NMNAT2: variants seen among roughly 807,000 people sequenced by gnomAD.
NMNAT2 encodes nicotinamide nucleotide adenylyltransferase 2, also known as nicotinamide/nicotinic acid mononucleotide adenylyltransferase 2.
In NMNAT2, 11 loss-of-function variants were observed where a neutral mutation model predicts 41.6. That is an observed-to-expected ratio of 0.26 (90% confidence interval 0.17 to 0.44). NMNAT2 has a LOEUF of 0.44. Among genes scored for constraint, NMNAT2 ranks in the 20% least tolerant of loss-of-function variants. The pLI, the probability that NMNAT2 is intolerant of heterozygous loss-of-function variation, is 1.00. For synonymous variants in NMNAT2, 148 were observed against 151.2 expected, an observed-to-expected ratio of 0.98 and a Z score of 0.16; for missense variants, 288 against 407.7, an observed-to-expected ratio of 0.71 and a Z score of 2.53.
At position 183,261,212 on chromosome 1, in the gene NMNAT2, C is replaced by G; in HGVS notation, c.743G>C (p.Arg248Pro). 1 of 1,613,982 alleles carries G rather than the reference C, an allele frequency of 6.2e-7. No homozygotes were observed. Among genetic ancestry groups the G allele is most frequent in the Non-Finnish European group, 8.5e-7 (1 of 1,179,870 alleles). ...DRIMNHSSIL[R>P]KYKNNIMVVK... Reference sequence around the variant, plus strand: ...GGATGGAGGACTCACTTTGTATTTGCGGAGTATTGAGGAGTGATTCATGAT... The same window carrying G: ...GGATGGAGGACTCACTTTGTATTTGGGGAGTATTGAGGAGTGATTCATGAT... The change falls in exon 9 of 11, where the codon CGC (arginine) becomes CCC (proline). Residue 248 changes from arginine (R) to proline (P), a missense_variant. Physicochemically the swap from Arg to Pro is moderately radical, Grantham distance 103. Coordinates refer to ENST00000287713, the MANE Select transcript of NMNAT2 (RefSeq NM_015039.4).
At chr1:183,359,008 T>C (rs1376908565) in intron 1 of NMNAT2, among the ~76,000 whole-genome samples, 1 of 152,166 alleles carries the variant, frequency 6.6e-6, no homozygotes, top group African/African-American at 2.4e-5. Flanking sequence ...TGGACAGATA[T>C]AGTGCAGTTA....
intron 8 of NMNAT2, among the ~76,000 whole-genome samples, chr1:183,262,441 G>A (rs555455934): frequency 3.3e-5 from 5 of 152,112 alleles, no homozygotes; most frequent in Admixed American, 1.3e-4. Flanking sequence ...TATAAAATTA[G>A]TCATTTTACC....
chr1:183,275,676 A>AT (rs11389422), intron 8 of NMNAT2, among the ~76,000 whole-genome samples: 146,859 of 151,566 alleles, frequency 0.97, 71,281 homozygotes, highest in East Asian at 1. Flanking sequence ...TCCGTATTTT[A>AT]TTTATTTTAT....
At position 183,261,322 on chromosome 1, in the gene NMNAT2, G is replaced by A. The variant is rs200823310; in HGVS notation, c.652-19C>T. 7.5e-5 allele frequency: 120 copies of A among 1,602,740 alleles called. No individual in the cohort carries two copies. Among genetic ancestry groups the A allele is most frequent in the Non-Finnish European group, 9.9e-5 (116 of 1,171,158 alleles). On this transcript the variant is annotated intron_variant, in intron 8 of 10. Coordinates refer to ENST00000287713, the MANE Select transcript of NMNAT2 (RefSeq NM_015039.4). ...CCTCCATCTAAAGAAACAGAGAGAG[G>A]GCCCTTTGGTGAAACCCTGATCCCA...
chr1:183,315,179 T>A (rs1247264043), intron 1 of NMNAT2, among the ~76,000 whole-genome samples: 1 of 152,236 alleles, frequency 6.6e-6, no homozygotes, highest in African/African-American at 2.4e-5. Flanking sequence ...AATATTCACT[T>A]GGCCATCCGT....
At chr1:183,346,055 T>C (rs1048815373) in intron 1 of NMNAT2, among the ~76,000 whole-genome samples, 11 of 152,144 alleles carry the variant, frequency 7.2e-5, no homozygotes, top group African/African-American at 2.7e-4. Flanking sequence ...TGAACGAATA[T>C]ATCCCCCCAC....
intron 1 of NMNAT2, among the ~76,000 whole-genome samples, chr1:183,417,359 C>T (rs1178376731): frequency 6.6e-6 from 1 of 152,166 alleles, no homozygotes; most frequent in African/African-American, 2.4e-5. Flanking sequence ...CGCATATACT[C>T]ACACACAGTC....
At chr1:183,413,747 C>T (rs1649181378) in intron 1 of NMNAT2, among the ~76,000 whole-genome samples, 1 of 151,688 alleles carries the variant, frequency 6.6e-6, no homozygotes, top group African/African-American at 2.4e-5. Flanking sequence ...GCTGGGACTA[C>T]AGGCGCCCGC....
chr1:183,386,761 T>C (rs1648259488), intron 1 of NMNAT2, among the ~76,000 whole-genome samples: 1 of 152,084 alleles, frequency 6.6e-6, no homozygotes, highest in South Asian at 2.1e-4. Flanking sequence ...GTATAATATA[T>C]AGTTATGTTG....
Position 183,251,050 on chromosome 1 carries a change from C to G in NMNAT2, c.*1591G>C, listed in dbSNP as rs199592014. On this transcript the variant is annotated 3_prime_UTR_variant, in exon 11 of 11. Transcript: ENST00000287713. ...AAGACAGCAATTTCCTTATGGCTCTCCAAGCAGGACACGCATGAGACCCTA... is the reference window on the plus strand; with the variant it reads ...AAGACAGCAATTTCCTTATGGCTCTGCAAGCAGGACACGCATGAGACCCTA... 14 of 152,230 alleles carry G rather than the reference C, an allele frequency of 9.2e-5. No homozygotes were observed. Among genetic ancestry groups the G allele is most frequent in the Non-Finnish European group, 1.8e-4 (12 of 68,032 alleles). The allele number at this position is 152,230 out of a possible 1,614,324, so 9.4% of individuals were successfully genotyped here.
At chr1:183,308,864 A>G (rs547375625) in intron 1 of NMNAT2, among the ~76,000 whole-genome samples, 1 of 152,282 alleles carries the variant, frequency 6.6e-6, no homozygotes, top group East Asian at 1.9e-4. Flanking sequence ...AGTGCTGCAG[A>G]GAGAGGGAGG....
rs557068746 is a variant in NMNAT2, at chr1:183,250,429, C to G, written c.*2212G>C. On this transcript the variant is annotated 3_prime_UTR_variant, in exon 11 of 11. Transcript: ENST00000287713. ...ATTACCATCCTATGTGTGGAGAGCACCTGGGACAGATATAATTTAAAAGAA... is the reference window on the plus strand; with the variant it reads ...ATTACCATCCTATGTGTGGAGAGCAGCTGGGACAGATATAATTTAAAAGAA... The G allele has an allele frequency of 1.3e-5, 2 of 152,286 alleles. No individual in the cohort carries two copies. Among genetic ancestry groups the G allele is most frequent in the East Asian group, 3.9e-4 (2 of 5,186 alleles). The allele number at this position is 152,286 out of a possible 1,614,324, so 9.4% of individuals were successfully genotyped here. A position where few individuals can be genotyped will look rare whatever the true frequency, so the allele number is the denominator to read the frequency against.
At chr1:183,372,530 GC>G in intron 1 of NMNAT2, among the ~76,000 whole-genome samples, 1 of 152,094 alleles carries the variant, frequency 6.6e-6, no homozygotes, top group Non-Finnish European at 1.5e-5. Context: ...CACCTGTATG[GC>G]TCCCAGGTTC....
At chr1:183,253,437 C>T (rs1005516171) in intron 10 of NMNAT2, among the ~76,000 whole-genome samples, 4 of 151,442 alleles carry the variant, frequency 2.6e-5, no homozygotes, top group African/African-American at 7.3e-5. Flanking sequence ...CTTCTTGTGG[C>T]GAGAATAGCT....
At chr1:183,358,425 A>G (rs1466179857) in intron 1 of NMNAT2, among the ~76,000 whole-genome samples, 1 of 152,150 alleles carries the variant, frequency 6.6e-6, no homozygotes, top group East Asian at 1.9e-4. Context: ...TTTAAAATAT[A>G]TATACAACTT....
At chr1:183,260,541 G>A (rs1029859434) in intron 10 of NMNAT2, among the ~76,000 whole-genome samples, 5 of 152,132 alleles carry the variant, frequency 3.3e-5, no homozygotes, top group African/African-American at 4.8e-5. Flanking sequence ...GCTGGGGCCG[G>A]GCACAGTGGC....
intron 10 of NMNAT2, among the ~76,000 whole-genome samples, chr1:183,253,237 A>T (rs1461343969): frequency 6.8e-6 from 1 of 148,106 alleles, no homozygotes; most frequent in East Asian, 1.9e-4. Context: ...TTACATATTT[A>T]TTATATATTT....
rs1311011309 is a variant in NMNAT2, at chr1:183,286,852, C to T, written c.322-64G>A. On this transcript the variant is annotated intron_variant, in intron 4 of 10. Transcript: ENST00000287713. ...TTGAGAATCGTTTCAAAGTTATCTCCAAGTGGTCATCTGCTTGTCCATCAT... is the reference window on the plus strand; with the variant it reads ...TTGAGAATCGTTTCAAAGTTATCTCTAAGTGGTCATCTGCTTGTCCATCAT... 3 of 1,543,436 alleles carry T rather than the reference C, an allele frequency of 1.9e-6. No individual in the cohort carries two copies. The African/African-American group carries it at 4.1e-5, about 21-fold the overall frequency.
At chr1:183,311,512 T>C (rs1039575892) in intron 1 of NMNAT2, among the ~76,000 whole-genome samples, 11 of 152,104 alleles carry the variant, frequency 7.2e-5, no homozygotes, top group African/African-American at 2.7e-4. Context: ...GTGAAAATGG[T>C]GGGGATGGAC....
Sources: allele counts gnomAD v4.1 joint callset (sites outside exome capture counted in the v4.1 genomes callset), GRCh38; gene constraint gnomAD v4.1.1; transcripts MANE v1.5; gene names NCBI Gene and HGNC (gene_info 2026-07-23, HGNC 2026-07-21).